The following LYST variants were observed in gnomAD, a reference collection of about 807,000 sequenced individuals.
LYST encodes the protein lysosomal trafficking regulator, also known as lysosomal-trafficking regulator.
LYST carries 192 observed loss-of-function variants against 413.6 expected under a neutral mutation model. The ratio of observed to expected loss-of-function variants is 0.46; its 90% CI spans 0.41 to 0.52. LYST has a LOEUF of 0.52. LYST is among the 20% of genes least tolerant of loss of function. LYST has a pLI of 0.00. For missense variants in LYST, 3,815 were observed against 4,499.9 expected (o/e 0.85, Z 4.35); for synonymous variants, 1,525 against 1,567.3 (o/e 0.97, Z 0.64).
At chr1:235,792,504 G>A (rs1002810537) in intron 11 of LYST, among the ~76,000 whole-genome samples, 2 of 151,916 alleles carry the variant, frequency 1.3e-5, no homozygotes, top group Admixed American at 6.6e-5. Context: ...TAGTAGAGAC[G>A]AGGTTTCATC....
intron 31 of LYST, chr1:235,737,983 A>G (rs1376121340): frequency 6.5e-6 from 9 of 1,394,994 alleles, no homozygotes; most frequent in East Asian, 5.0e-5. Context: ...TTTTGTTTCC[A>G]AGTCCAATAT....
In LYST at chr1:235,793,957, C is replaced by T. The variant is rs184510661; in HGVS notation, c.4007-345G>A. Among the ~76,000 whole-genome samples the T allele has an allele frequency of 2.4e-3, 372 of 152,124 alleles. 1 individual carries two copies. Among genetic ancestry groups the T allele is most frequent in the African/African-American group, 8.6e-3 (356 of 41,512 alleles). ...AAGCAATTCTCCTGCCTCAGCCTCC[C>T]GAGGAGCTGGGACTACAGGCACGTG... On this transcript the variant is annotated intron_variant, in intron 10 of 52. Coordinates refer to ENST00000389793, the MANE Select transcript of LYST (RefSeq NM_000081.4).
At chr1:235,862,707 A>G (rs1680022586) in intron 1 of LYST, among the ~76,000 whole-genome samples, 1 of 151,986 alleles carries the variant, frequency 6.6e-6, no homozygotes, top group African/African-American at 2.4e-5. Context: ...GAGGCAGGAG[A>G]ATCGCTTGAA....
intron 30 of LYST, among the ~76,000 whole-genome samples, chr1:235,741,855 G>A: frequency 6.6e-6 from 1 of 152,218 alleles, no homozygotes; most frequent in South Asian, 2.1e-4. Context: ...GGTGGAAACA[G>A]TCTGAACGTC....
intron 30 of LYST, among the ~76,000 whole-genome samples, chr1:235,742,206 G>A (rs892360629): frequency 2.0e-5 from 3 of 152,096 alleles, no homozygotes; most frequent in Non-Finnish European, 2.9e-5. Context: ...TGTAATTCCA[G>A]CACTTTGGGA....
chr1:235,720,163 G>T (rs142149764), intron 40 of LYST, among the ~76,000 whole-genome samples: 6,178 of 104,908 alleles, frequency 0.059, 525 homozygotes, highest in African/African-American at 0.21. Flanking sequence ...GACAGAGTGA[G>T]ACTCTGTCTC....
chr1:235,697,418 T>A (rs1360578971), intron 45 of LYST, 146 bp from the exon 46 acceptor site: 1 of 637,584 alleles, frequency 1.6e-6, no homozygotes, highest in Non-Finnish European at 2.7e-6. Context: ...CATTTTTTTT[T>A]ACTTCCCCAT....
intron 1 of LYST, among the ~76,000 whole-genome samples, chr1:235,877,969 G>T (rs1681215090): frequency 6.6e-6 from 1 of 151,918 alleles, no homozygotes; most frequent in Non-Finnish European, 1.5e-5. Context: ...GCAACAGGGT[G>T]TTACTAGATT....
chr1:235,671,719 T>C (rs1008201691), intron 50 of LYST, among the ~76,000 whole-genome samples: 1 of 151,854 alleles, frequency 6.6e-6, no homozygotes, highest in Non-Finnish European at 1.5e-5. Context: ...AGCATAGTGA[T>C]TAAGAGAGAA....
In LYST at chr1:235,662,657, G is replaced by GA. The variant is rs1445836391; in HGVS notation, c.*282dup. On this transcript the variant is annotated 3_prime_UTR_variant, in exon 53 of 53. Transcript: ENST00000389793. ...TATTTTCTTTGGAATACCTTGGTGG[G>GA]AAAAAATTTTAAGAATATCATTTTA... The GA allele has an allele frequency of 2.3e-6, 1 of 428,604 alleles. No homozygotes were observed. Among genetic ancestry groups the GA allele is most frequent in the Non-Finnish European group, 4.3e-6 (1 of 231,598 alleles). The allele number at this position is 428,604 out of a possible 1,614,324, so 26.6% of individuals were successfully genotyped here.
exon 1 of LYST, chr1:235,883,537 A>G (rs1681466395): frequency 1.3e-5 from 2 of 152,718 alleles, no homozygotes; most frequent in Non-Finnish European, 2.9e-5. Flanking sequence ...CCACGTAAGA[A>G]TGAATAAACA....
intron 1 of LYST, 59 bp from the exon 2 acceptor site, chr1:235,833,726 T>G (rs568393153): frequency 3.3e-6 from 1 of 303,712 alleles, no homozygotes; most frequent in African/African-American, 2.3e-5. Flanking sequence ...TTAACAAAGT[T>G]GTGACATAAT....
chr1:235,819,818 T>C (rs530032806), intron 3 of LYST, among the ~76,000 whole-genome samples: 128 of 152,118 alleles, frequency 8.4e-4, no homozygotes, highest in African/African-American at 2.7e-3. Flanking sequence ...GCTAATCTTT[T>C]CGTAATTTTA....
intron 21 of LYST, among the ~76,000 whole-genome samples, chr1:235,763,589 T>G (rs1357623448): frequency 6.6e-6 from 1 of 152,126 alleles, no homozygotes; most frequent in Non-Finnish European, 1.5e-5. Context: ...TAGCTGGGAT[T>G]ACAGGCATGT....
At chr1:235,793,832 TTTATTA>T (rs1362427133) in intron 10 of LYST, among the ~76,000 whole-genome samples, 2 of 151,838 alleles carry the variant, frequency 1.3e-5, no homozygotes, top group Non-Finnish European at 2.9e-5. Context: ...TTTTATTATT[TTTATTA>T]TTATTATTAT....
At position 235,773,953 on chromosome 1, in the gene LYST, A is replaced by G; in HGVS notation, c.5673T>C (p.Tyr1891=). Residue 1891 remains tyrosine, a synonymous_variant, in exon 19 of 53, where the codon TAT becomes TAC. Transcript: ENST00000389793. The part of the protein sequence containing the change: ...LEGCCGEDII[Y]MNENGEFKLD... Reference sequence around the variant, plus strand: ...ACTTAAACTCTCCATTCTCATTCATATAAATAATATCTTCACCACAGCATC... The same window carrying G: ...ACTTAAACTCTCCATTCTCATTCATGTAAATAATATCTTCACCACAGCATC... 6.2e-7 allele frequency: 1 copy of G among 1,606,290 alleles called. No individual in the cohort carries two copies. Among genetic ancestry groups the G allele is most frequent in the Non-Finnish European group, 8.5e-7 (1 of 1,173,030 alleles).
At chr1:235,877,991 A>G (rs1681215835) in intron 1 of LYST, among the ~76,000 whole-genome samples, 1 of 152,164 alleles carries the variant, frequency 6.6e-6, no homozygotes, top group Admixed American at 6.5e-5. Flanking sequence ...TAGAAATCTA[A>G]CTGAGGAAGA....
chr1:235,781,234 A>C (rs1669843934), intron 15 of LYST, among the ~76,000 whole-genome samples, 179 bp from the exon 16 acceptor site: 2 of 152,208 alleles, frequency 1.3e-5, no homozygotes, highest in Non-Finnish European at 2.9e-5. Flanking sequence ...ACCTATGTCA[A>C]CTATGATGGA....
At chr1:235,755,423 G>GAAAAT in intron 25 of LYST, 55 bp downstream of exon 25, 1 of 1,417,896 alleles carries the variant, frequency 7.1e-7, no homozygotes, top group Non-Finnish European at 9.8e-7. Context: ...GAAAAGAAAA[G>GAAAAT]AAAAGAAAAA....
Sources: allele counts gnomAD v4.1 joint callset (sites outside exome capture counted in the v4.1 genomes callset), GRCh38; gene constraint gnomAD v4.1.1; transcripts MANE v1.5; gene names NCBI Gene and HGNC (gene_info 2026-07-23, HGNC 2026-07-21).